SPICE1: variants seen among roughly 807,000 people sequenced by gnomAD.
The protein encoded by SPICE1 is spindle and centriole associated protein 1.
A neutral mutation model predicts 102.7 loss-of-function variants in SPICE1; 75 were observed. The observed-to-expected ratio is 0.73, with a 90% confidence interval of 0.61 to 0.88. SPICE1 has a LOEUF of 0.88. SPICE1 is among the 40% of genes least tolerant of loss of function. SPICE1 has a pLI of 0.00. For missense variants in SPICE1, 979 were observed against 1,020.1 expected, an observed-to-expected ratio of 0.96 and a Z score of 0.55; for synonymous variants, 308 against 350.3, an observed-to-expected ratio of 0.88 and a Z score of 1.35.
At chr3:113,456,311 T>TA (rs139307236) in intron 13 of SPICE1, among the ~76,000 whole-genome samples, 8,066 of 141,256 alleles carry the variant, frequency 0.057, 276 homozygotes, top group African/African-American at 0.096. Flanking sequence ...TGTGTAAAAA[T>TA]AAAAAAAAAA....
chr3:113,484,420 A>G (rs1211812313), intron 7 of SPICE1, among the ~76,000 whole-genome samples: 1 of 151,924 alleles, frequency 6.6e-6, no homozygotes, highest in Non-Finnish European at 1.5e-5. Context: ...TCTTCTGCTA[A>G]CTTTTGAATT....
Position 113,469,221 on chromosome 3 carries a change from G to C in SPICE1, c.629C>G (p.Thr210Arg). The change falls in exon 8 of 18, where the codon ACA becomes AGA. Residue 210 changes from threonine to arginine, a missense_variant. Physicochemically the swap from Thr to Arg is moderately conservative, Grantham distance 71 (BLOSUM62 -1). Transcript: ENST00000295872. ...ACTAATTAACTCAAAATTCTCTTCTGTTAGTTGTTGGAGAAACCTATAAAT... is the reference window on the plus strand; with the variant it reads ...ACTAATTAACTCAAAATTCTCTTCTCTTAGTTGTTGGAGAAACCTATAAAT... ...TNTDRFLQQL[T>R]EENFELISKL... 2 of 1,575,574 alleles carry C rather than the reference G, an allele frequency of 1.3e-6. No homozygotes were observed. The highest frequency in any genetic ancestry group is 1.7e-6 in the Non-Finnish European group (2 of 1,159,808).
At position 113,450,434 on chromosome 3, in the gene SPICE1, C is replaced by T. The variant is rs200177650; in HGVS notation, c.2225G>A (p.Arg742His). Residue 742 changes from arginine to histidine, a missense_variant, in exon 15 of 18, where the codon CGT (arginine) becomes CAT (histidine). Physicochemically the swap from Arg to His is conservative, Grantham distance 29. Transcript: ENST00000295872. ...AELNRQSMEA[R>H]GKLLQLIEQQ... The stretch of plus-strand genomic sequence containing the variant: ...CTCTATCAACTGCAGTAGTTTTCCA[C>T]GAGCCTCCATACTTTGTCGATTCAA... 1.0e-4 allele frequency: 162 copies of T among 1,613,730 alleles called. No homozygotes were observed. The highest frequency in any genetic ancestry group is 1.3e-4 in the Non-Finnish European group (148 of 1,180,016).
intron 2 of SPICE1, among the ~76,000 whole-genome samples, chr3:113,504,501 G>A (rs1303930925): frequency 1.4e-5 from 2 of 148,026 alleles, no homozygotes; most frequent in South Asian, 2.1e-4. Context: ...TCAGGAGGCC[G>A]AGGCAGGAAG....
In SPICE1 at chr3:113,460,598, A is replaced by G. The variant is rs1935909131; in HGVS notation, c.1435+19T>C. On this transcript the variant is annotated intron_variant, in intron 12 of 17. Transcript: ENST00000295872. ...TTAAGTAGTCTAATGACAGTCTGAGAGAGTAAGACCACACTCACCTGGACT... is the reference window on the plus strand; with the variant it reads ...TTAAGTAGTCTAATGACAGTCTGAGGGAGTAAGACCACACTCACCTGGACT... 3.1e-6 allele frequency: 5 copies of G among 1,589,144 alleles called. No homozygotes were observed. The South Asian group carries it at 5.9e-5, about 19-fold the overall frequency.
intron 2 of SPICE1, among the ~76,000 whole-genome samples, chr3:113,504,133 TAA>T (rs1035484667): frequency 6.6e-6 from 1 of 152,078 alleles, no homozygotes; most frequent in African/African-American, 2.4e-5. Flanking sequence ...CACAACTCCA[TAA>T]GTTACCATTA....
intron 7 of SPICE1, among the ~76,000 whole-genome samples, chr3:113,470,812 T>C (rs1936176794): frequency 6.6e-6 from 1 of 152,256 alleles, no homozygotes; most frequent in East Asian, 1.9e-4. Flanking sequence ...TTTGCTCTAA[T>C]GAATTTCAAA....
intron 7 of SPICE1, among the ~76,000 whole-genome samples, chr3:113,486,503 T>A (rs1936650908): frequency 6.6e-6 from 1 of 150,966 alleles, no homozygotes; most frequent in Admixed American, 6.6e-5. Flanking sequence ...CAATAAAAAA[T>A]GATAATATAT....
intron 6 of SPICE1, among the ~76,000 whole-genome samples, chr3:113,490,339 C>T (rs1483708870): frequency 6.6e-6 from 1 of 152,128 alleles, no homozygotes; most frequent in South Asian, 2.1e-4. Flanking sequence ...TATTCAACTG[C>T]CTATAAGATA....
rs762439685 is a variant in SPICE1, at chr3:113,468,189, T to G, written c.1105A>C (p.Thr369Pro). 6.2e-7 allele frequency: 1 copy of G among 1,614,066 alleles called. No individual in the cohort carries two copies. Among genetic ancestry groups the G allele is most frequent in the African/African-American group, 1.3e-5 (1 of 74,938 alleles). Residue 369 changes from threonine (T) to proline (P), a missense_variant, in exon 10 of 18, where the codon ACT becomes CCT. Thr to Pro is a conservative substitution (Grantham distance 38). Coordinates refer to ENST00000295872, the MANE Select transcript of SPICE1 (RefSeq NM_144718.4). ...CAGAGGGAGCTCACCAGCGACAAAG[T>G]GAAGCCTGTAAGACCCTGACTGCTC... Reference protein sequence around the residue: ...LQSSQGLTGFTLSLVSSLCRL... With the variant: ...LQSSQGLTGFPLSLVSSLCRL...
At chr3:113,502,488 C>A (rs1302718173) in intron 3 of SPICE1, among the ~76,000 whole-genome samples, 1 of 151,898 alleles carries the variant, frequency 6.6e-6, no homozygotes, top group Non-Finnish European at 1.5e-5. Context: ...CTGGGAAGAA[C>A]TGGGCACAAG....
chr3:113,462,540 T>A (rs186709179), intron 11 of SPICE1, among the ~76,000 whole-genome samples: 1 of 152,340 alleles, frequency 6.6e-6, no homozygotes, highest in East Asian at 1.9e-4. Flanking sequence ...GAAATAAGAA[T>A]GATTGTGTCC....
rs1937046079 is a variant in SPICE1, at chr3:113,503,353, G to A, written c.100-126C>T. 3.5e-6 allele frequency: 3 copies of A among 852,602 alleles called. No individual in the cohort carries two copies. In the African/African-American group the frequency reaches 5.3e-5, roughly 15 times the overall value. The allele number at this position is 852,602 out of a possible 1,614,324, so 52.8% of individuals were successfully genotyped here. On this transcript the variant is annotated intron_variant, in intron 2 of 17. Coordinates refer to ENST00000295872, the MANE Select transcript of SPICE1 (RefSeq NM_144718.4). ...AGGACCAAAAATTCTTTCTTTCTAGGAACCAGTATTCTCAATTTAGATATG... is the reference window on the plus strand; with the variant it reads ...AGGACCAAAAATTCTTTCTTTCTAGAAACCAGTATTCTCAATTTAGATATG...
At chr3:113,483,398 T>C (rs770131936) in intron 7 of SPICE1, among the ~76,000 whole-genome samples, 12 of 152,198 alleles carry the variant, frequency 7.9e-5, no homozygotes, top group Non-Finnish European at 1.3e-4. Context: ...GCCCTTTATT[T>C]CTGTCTCTTG....
intron 2 of SPICE1, among the ~76,000 whole-genome samples, chr3:113,505,107 A>G (rs1429035311): frequency 6.6e-6 from 1 of 152,180 alleles, no homozygotes. Flanking sequence ...TTGGCTCTCC[A>G]TATCTGGGTT....
At position 113,504,382 on chromosome 3, in the gene SPICE1, G is replaced by C. The variant is rs186162917; in HGVS notation, c.100-1155C>G. ...AACTTTTTGGCCATGATTTATATTT[G>C]GCTCAAGGCTTTTCTGTATGAAAAC... On this transcript the variant is annotated intron_variant, in intron 2 of 17. Coordinates refer to ENST00000295872, the MANE Select transcript of SPICE1 (RefSeq NM_144718.4). Among the ~76,000 whole-genome samples the C allele has an allele frequency of 5.9e-3, 901 of 152,140 alleles. 4 individuals carry two copies. The highest frequency in any genetic ancestry group is 8.7e-3 in the Non-Finnish European group (589 of 67,986).
At chr3:113,474,778 C>T (rs1282615569) in intron 7 of SPICE1, among the ~76,000 whole-genome samples, 1 of 152,056 alleles carries the variant, frequency 6.6e-6, no homozygotes, top group Non-Finnish European at 1.5e-5. Flanking sequence ...CTCTGGGACA[C>T]ACTCAAAGCA....
chr3:113,443,048 C>A lies in SPICE1; in HGVS notation c.*2259G>T, dbSNP rs1437193964. On this transcript the variant is annotated 3_prime_UTR_variant, in exon 18 of 18. Coordinates refer to ENST00000295872, the MANE Select transcript of SPICE1 (RefSeq NM_144718.4). ...TAATCTGAGAAAGATACAATAAATT[C>A]ACTATACAATGTCTTAAAAATTGGA... is the stretch of plus-strand genomic sequence containing the variant. 1 of 152,096 alleles carries A rather than the reference C, an allele frequency of 6.6e-6. No homozygotes were observed. Among genetic ancestry groups the A allele is most frequent in the African/African-American group, 2.4e-5 (1 of 41,400 alleles). The allele number at this position is 152,096 out of a possible 1,614,324, so 9.4% of individuals were successfully genotyped here.
intron 1 of SPICE1, among the ~76,000 whole-genome samples, chr3:113,508,029 G>A (rs1473719667): frequency 2.0e-5 from 3 of 152,068 alleles, no homozygotes; most frequent in Non-Finnish European, 4.4e-5. Flanking sequence ...CAATTCAACG[G>A]GGAAAGAATA....
Sources: gnomAD v4.1 joint callset for allele counts (sites outside exome capture counted in the v4.1 genomes callset) on GRCh38, gnomAD v4.1.1 for gene constraint, MANE v1.5 for transcripts, NCBI Gene and HGNC (gene_info 2026-07-23, HGNC 2026-07-21) for gene names.